The following SPATA16 variants were observed in gnomAD, a reference collection of about 807,000 sequenced individuals.
The protein encoded by SPATA16 is spermatogenesis associated 16.
In SPATA16, 36 loss-of-function variants were observed where a neutral mutation model predicts 63.3. That is an observed-to-expected ratio of 0.57 (90% confidence interval 0.44 to 0.75). The LOEUF is 0.75. SPATA16 is among the 30% of genes least tolerant of loss of function. The pLI, the probability that SPATA16 is intolerant of heterozygous loss-of-function variation, is 0.00. For missense variants in SPATA16, 646 were observed against 679.3 expected, an observed-to-expected ratio of 0.95 and a Z score of 0.54; for synonymous variants, 203 against 216.7, an observed-to-expected ratio of 0.94 and a Z score of 0.56.
intron 5 of SPATA16, among the ~76,000 whole-genome samples, chr3:172,962,807 TTTG>T (rs751078419): frequency 6.6e-5 from 10 of 152,168 alleles, no homozygotes; most frequent in Non-Finnish European, 1.2e-4. Context: ...AATAAACCTC[TTTG>T]TTATTATATT....
At chr3:172,954,654 G>T (rs1285540029) in intron 6 of SPATA16, among the ~76,000 whole-genome samples, 1 of 152,126 alleles carries the variant, frequency 6.6e-6, no homozygotes, top group Non-Finnish European at 1.5e-5. Flanking sequence ...CATGCTGTAT[G>T]CCCTCAGCCA....
intron 2 of SPATA16, among the ~76,000 whole-genome samples, chr3:173,076,301 C>T (rs987763168): frequency 6.6e-6 from 1 of 151,908 alleles, no homozygotes. Context: ...TTGTGAATGC[C>T]AAGAGAATTA....
At chr3:173,028,424 T>C (rs1475576180) in intron 3 of SPATA16, among the ~76,000 whole-genome samples, 2 of 151,942 alleles carry the variant, frequency 1.3e-5, no homozygotes, top group Admixed American at 6.6e-5. Flanking sequence ...AGGAATCTAA[T>C]GAAATGTCTT....
chr3:173,030,009 A>G (rs1735563928), intron 3 of SPATA16, among the ~76,000 whole-genome samples: 2 of 152,154 alleles, frequency 1.3e-5, no homozygotes, highest in East Asian at 1.9e-4. Context: ...TTAAGATATC[A>G]CAGGTAAGTG....
chr3:173,139,734 C>T (rs1291203948), intron 1 of SPATA16, among the ~76,000 whole-genome samples: 1 of 152,140 alleles, frequency 6.6e-6, no homozygotes, highest in Non-Finnish European at 1.5e-5. Context: ...GCCTGTAATC[C>T]CAGCACTTTA....
At chr3:172,913,547 C>CA (rs989004348) in intron 10 of SPATA16, 114 bp downstream of exon 10, 28 of 1,036,242 alleles carry the variant, frequency 2.7e-5, no homozygotes, top group Non-Finnish European at 3.9e-5. Flanking sequence ...AAAAGGAAAA[C>CA]AAAAAAACAA....
At chr3:173,134,820 A>G (rs1300171384) in intron 1 of SPATA16, among the ~76,000 whole-genome samples, 1 of 152,250 alleles carries the variant, frequency 6.6e-6, no homozygotes, top group East Asian at 1.9e-4. Flanking sequence ...TTTGATACCT[A>G]TCTTACATAA....
chr3:172,972,764 C>T (rs951611978), intron 5 of SPATA16, among the ~76,000 whole-genome samples: 4 of 151,980 alleles, frequency 2.6e-5, no homozygotes, highest in East Asian at 1.9e-4. Context: ...GTGAGACTGA[C>T]GAAGACTTGA....
intron 1 of SPATA16, among the ~76,000 whole-genome samples, chr3:173,128,337 A>G (rs1738282686): frequency 6.6e-6 from 1 of 152,202 alleles, no homozygotes; most frequent in African/African-American, 2.4e-5. Context: ...GAATTTATTA[A>G]TTAATTCAAT....
At chr3:173,036,104 T>G (rs791831) in intron 3 of SPATA16, among the ~76,000 whole-genome samples, 43,618 of 151,822 alleles carry the variant, frequency 0.29, 8,951 homozygotes, top group African/African-American at 0.58. Flanking sequence ...CTGCACTTGT[T>G]CCATTGTTTA....
chr3:173,019,624 A>G, intron 3 of SPATA16, 49 bp from the exon 4 acceptor site: 4 of 1,518,186 alleles, frequency 2.6e-6, no homozygotes, highest in Non-Finnish European at 2.7e-6. Flanking sequence ...TTTAAAAGAC[A>G]ATTACCACAA....
At chr3:172,968,462 A>T (rs969496940) in intron 5 of SPATA16, among the ~76,000 whole-genome samples, 7 of 152,216 alleles carry the variant, frequency 4.6e-5, no homozygotes, top group South Asian at 4.1e-4. Context: ...TGAAGTGGGG[A>T]TAGCGTGAGG....
intron 2 of SPATA16, among the ~76,000 whole-genome samples, chr3:173,059,014 A>G (rs1736314276): frequency 6.6e-6 from 1 of 151,892 alleles, no homozygotes; most frequent in Admixed American, 6.6e-5. Flanking sequence ...CTAGAAAATC[A>G]TAGGTTTTAT....
intron 4 of SPATA16, among the ~76,000 whole-genome samples, chr3:172,984,740 AT>A (rs1734402397): frequency 1.3e-5 from 2 of 152,100 alleles, no homozygotes; most frequent in Non-Finnish European, 2.9e-5. Context: ...ATTGATGGGA[AT>A]TTTTCTTGAG....
intron 2 of SPATA16, among the ~76,000 whole-genome samples, chr3:173,114,960 G>GACAAAAATTAGACAT (rs1737855749): frequency 6.6e-6 from 1 of 152,124 alleles, no homozygotes; most frequent in Non-Finnish European, 1.5e-5. Context: ...TTAGACAAAA[G>GACAAAAATTAGACAT]CTAGGCCAGA....
chr3:173,033,169 A>T (rs1414379698), intron 3 of SPATA16, among the ~76,000 whole-genome samples: 1 of 152,158 alleles, frequency 6.6e-6, no homozygotes, highest in South Asian at 2.1e-4. Flanking sequence ...CCCAAGAAAA[A>T]ATATATATTT....
intron 4 of SPATA16, among the ~76,000 whole-genome samples, chr3:172,998,072 G>A (rs879541251): frequency 2.0e-5 from 3 of 152,030 alleles, no homozygotes; most frequent in Non-Finnish European, 2.9e-5. Flanking sequence ...TTATATAAAT[G>A]AAATAACACT....
At chr3:173,047,070 A>G (rs1205256582) in intron 3 of SPATA16, among the ~76,000 whole-genome samples, 1 of 151,916 alleles carries the variant, frequency 6.6e-6, no homozygotes, top group African/African-American at 2.4e-5. Context: ...AAGCATTCTT[A>G]CTTTCAAAGC....
intron 9 of SPATA16, among the ~76,000 whole-genome samples, chr3:172,914,633 G>T (rs2109563422): frequency 6.6e-6 from 1 of 152,176 alleles, no homozygotes; most frequent in South Asian, 2.1e-4. Context: ...ACACTTGTAA[G>T]TTGCAAAGTA....
Sources: gnomAD v4.1 joint callset for allele counts (sites outside exome capture counted in the v4.1 genomes callset) on GRCh38, gnomAD v4.1.1 for gene constraint, MANE v1.5 for transcripts, NCBI Gene and HGNC (gene_info 2026-07-23, HGNC 2026-07-21) for gene names.